Variants in ADAM22 observed in about 807,000 individuals in gnomAD.
ADAM22 encodes ADAM metallopeptidase domain 22, also known as disintegrin and metalloproteinase domain-containing protein 22.
In ADAM22, 65 loss-of-function variants were observed where a neutral mutation model predicts 144.6. The ratio of observed to expected loss-of-function variants is 0.45; its 90% CI spans 0.37 to 0.55. ADAM22 has a LOEUF of 0.55. Among genes scored for constraint, ADAM22 ranks in the 20% least tolerant of loss-of-function variants. The pLI is 0.00. For synonymous variants in ADAM22, 391 were observed against 412.6 expected (o/e 0.95, Z 0.63); for missense variants, 974 against 1,184.9 (o/e 0.82, Z 2.61).
intron 2 of ADAM22, among the ~76,000 whole-genome samples, chr7:87,952,978 T>C (rs934361543): frequency 3.1e-4 from 47 of 152,190 alleles, no homozygotes; most frequent in Admixed American, 1.8e-3. Flanking sequence ...TCTGTGGAAT[T>C]GGTGGTGATA....
At chr7:87,974,768 G>A (rs1851495854) in intron 2 of ADAM22, among the ~76,000 whole-genome samples, 1 of 152,166 alleles carries the variant, frequency 6.6e-6, no homozygotes, top group Non-Finnish European at 1.5e-5. Flanking sequence ...GGTCTTACAA[G>A]GATAAGATGA....
chr7:87,935,108 C>G lies in ADAM22; in HGVS notation c.168C>G (p.Ile56Met), dbSNP rs755493609. The G allele has an allele frequency of 9.3e-6, 15 of 1,614,004 alleles. No homozygotes were observed. Among genetic ancestry groups the G allele is most frequent in the Non-Finnish European group, 1.2e-5 (14 of 1,180,000 alleles). ...ERQSIVPLRL[I>M]YRSGGEDESR... is the part of the protein sequence containing the mutation. ...AGAGCATCGTGCCACTGCGCCTCAT[C>G]TACCGCTCGGGCGGCGAAGACGAAA... Residue 56 changes from isoleucine (I) to methionine (M), a missense_variant, in exon 2 of 32, where the codon ATC (isoleucine) becomes ATG (methionine). Transcript: ENST00000413139.
chr7:87,968,381 T>C (rs1849641783), intron 2 of ADAM22, among the ~76,000 whole-genome samples: 2 of 152,178 alleles, frequency 1.3e-5, no homozygotes, highest in Admixed American at 1.3e-4. Flanking sequence ...TTAAAAAGTT[T>C]CCCAAGGTAG....
At position 88,077,555 on chromosome 7, in the gene ADAM22, C is replaced by G. The variant is rs113948188; in HGVS notation, c.390+1863C>G. On this transcript the variant is annotated intron_variant, in intron 4 of 31. Transcript: ENST00000413139. Reference sequence around the variant, plus strand: ...CAAAGCAGTGCGAGGCATCGCCTCACCTGGGAAGTGCAAGGGGTCAGGGAA... The same window carrying G: ...CAAAGCAGTGCGAGGCATCGCCTCAGCTGGGAAGTGCAAGGGGTCAGGGAA... Among the ~76,000 whole-genome samples the G allele has an allele frequency of 9.2e-3, 1,399 of 152,280 alleles. 24 individuals are homozygous for G. Among genetic ancestry groups the G allele is most frequent in the African/African-American group, 0.032 (1,338 of 41,558 alleles).
chr7:88,116,603 G>T, intron 6 of ADAM22, 142 bp from the exon 7 acceptor site: 1 of 625,752 alleles, frequency 1.6e-6, no homozygotes, highest in Non-Finnish European at 2.8e-6. Context: ...AGGAGGGGTT[G>T]GGCAATGGTT....
At chr7:88,069,580 T>C (rs1173303746) in intron 3 of ADAM22, among the ~76,000 whole-genome samples, 2 of 152,212 alleles carry the variant, frequency 1.3e-5, no homozygotes, top group East Asian at 1.9e-4. Flanking sequence ...CACAAATTAT[T>C]TGTATTTATC....
chr7:88,117,102 A>G (rs183369050), intron 7 of ADAM22, among the ~76,000 whole-genome samples: 34 of 152,350 alleles, frequency 2.2e-4, no homozygotes, highest in African/African-American at 6.5e-4. Flanking sequence ...AGTACATACA[A>G]ATTCACTCTT....
In ADAM22 at chr7:88,131,334, C is replaced by T. The variant is rs1405816557; in HGVS notation, c.891C>T (p.Asn297=). ...LVAMETWATD[N]KFAISENPLI... ...CTATGGAAACCTGGGCGACTGACAA[C>T]AAGTTTGCCATATCTGAAAATCCAT... The change falls in exon 11 of 32, where the codon AAC becomes AAT. Residue 297 remains asparagine, a synonymous_variant. Transcript: ENST00000413139. The T allele has an allele frequency of 2.5e-6, 4 of 1,613,568 alleles. No individual in the cohort carries two copies. In the African/African-American group the frequency reaches 5.3e-5, roughly 22 times the overall value.
intron 2 of ADAM22, among the ~76,000 whole-genome samples, chr7:87,944,099 T>C (rs1330844655): frequency 1.3e-5 from 2 of 152,172 alleles, no homozygotes; most frequent in African/African-American, 4.8e-5. Flanking sequence ...CCCATGTCTC[T>C]AGCTTTTACC....
rs182618589 is a variant in ADAM22 at position 87,971,585 on chromosome 7, T to C, written c.247-6751T>C. Among the ~76,000 whole-genome samples, 36 of 152,362 alleles carry C rather than the reference T, an allele frequency of 2.4e-4. 1 individual carries two copies. In the South Asian group the frequency reaches 3.3e-3, roughly 14 times the overall value. ...GTAGTAATTTGAAAGATGGCATTTC[T>C]GCAAAATTACGTTTTTCCAGTATCT... On this transcript the variant is annotated intron_variant, in intron 2 of 31. Coordinates refer to ENST00000413139, the MANE Select transcript of ADAM22 (RefSeq NM_001324418.2).
intron 4 of ADAM22, among the ~76,000 whole-genome samples, chr7:88,102,970 A>G (rs986448753): frequency 1.3e-5 from 2 of 152,202 alleles, no homozygotes; most frequent in Admixed American, 1.3e-4. Context: ...TATAAACATA[A>G]ATCAGGCAAA....
chr7:88,111,586 GC>G (rs1776494822), intron 5 of ADAM22, among the ~76,000 whole-genome samples: 1 of 152,032 alleles, frequency 6.6e-6, no homozygotes, highest in African/African-American at 2.4e-5. Context: ...TGAGTTTATT[GC>G]CCTCTTGTGG....
intron 2 of ADAM22, among the ~76,000 whole-genome samples, chr7:87,962,044 A>G (rs1461894075): frequency 6.6e-6 from 1 of 152,208 alleles, no homozygotes; most frequent in Non-Finnish European, 1.5e-5. Context: ...CCAAATGACC[A>G]CCAAACTCAC....
At chr7:88,028,031 T>A (rs897579637) in intron 3 of ADAM22, among the ~76,000 whole-genome samples, 8 of 152,178 alleles carry the variant, frequency 5.3e-5, no homozygotes, top group Non-Finnish European at 1.0e-4. Flanking sequence ...GTGATCTGCC[T>A]GCCACAGCTT....
intron 24 of ADAM22, 71 bp from the exon 25 acceptor site, chr7:88,168,066 A>G: frequency 2.2e-6 from 3 of 1,335,918 alleles, no homozygotes; most frequent in Non-Finnish European, 3.2e-6. Flanking sequence ...GATGATTACA[A>G]AACTGAACAA....
At chr7:88,098,445 C>T (rs1039103205) in intron 4 of ADAM22, among the ~76,000 whole-genome samples, 4 of 152,056 alleles carry the variant, frequency 2.6e-5, no homozygotes, top group East Asian at 1.9e-4. Flanking sequence ...CCAAAATTCA[C>T]GACTCCTAGA....
chr7:87,992,462 C>T (rs1052872469), intron 3 of ADAM22, among the ~76,000 whole-genome samples: 5 of 152,036 alleles, frequency 3.3e-5, no homozygotes, highest in South Asian at 2.1e-4. Context: ...AACGTTAGTA[C>T]GTTTTTCATA....
At chr7:88,065,584 T>C (rs1483809605) in intron 3 of ADAM22, among the ~76,000 whole-genome samples, 1 of 152,048 alleles carries the variant, frequency 6.6e-6, no homozygotes, top group African/African-American at 2.4e-5. Flanking sequence ...TCTTTTTTCT[T>C]GACAATATAT....
intron 20 of ADAM22, 123 bp from the exon 21 acceptor site, chr7:88,153,097 AT>A: frequency 1.7e-6 from 1 of 598,386 alleles, no homozygotes. Flanking sequence ...CGTTGGTAAC[AT>A]TTTTGGAATT....
Sources: gnomAD v4.1 joint callset for allele counts (sites outside exome capture counted in the v4.1 genomes callset) on GRCh38, gnomAD v4.1.1 for gene constraint, MANE v1.5 for transcripts, NCBI Gene and HGNC (gene_info 2026-07-23, HGNC 2026-07-21) for gene names.